Variants in TMEM132D observed in about 807,000 individuals in gnomAD.
The protein encoded by TMEM132D is transmembrane protein 132D.
TMEM132D carries 21 observed loss-of-function variants against 62.3 expected under a neutral mutation model. That is an observed-to-expected ratio of 0.34 (90% CI 0.24 to 0.49). The LOEUF (loss-of-function observed/expected upper bound fraction) is 0.49. Among genes scored for constraint, TMEM132D ranks in the 20% least tolerant of loss-of-function variants. TMEM132D has a pLI of 0.99. For missense variants in TMEM132D, 1,346 were observed against 1,402.8 expected (o/e 0.96, Z 0.65); for synonymous variants, 621 against 575.6 (o/e 1.08, Z -1.13).
At chr12:129,466,909 G>A (rs553463994) in intron 3 of TMEM132D, among the ~76,000 whole-genome samples, 2 of 152,258 alleles carry the variant, frequency 1.3e-5, no homozygotes, top group South Asian at 2.1e-4. Flanking sequence ...CATGAACAGA[G>A]TAAGTTCTCC....
chr12:129,169,579 C>A (rs1449536174), intron 5 of TMEM132D, among the ~76,000 whole-genome samples: 1 of 152,212 alleles, frequency 6.6e-6, no homozygotes, highest in African/African-American at 2.4e-5. Context: ...TATCTGATTG[C>A]ATCTTAAATG....
intron 2 of TMEM132D, among the ~76,000 whole-genome samples, chr12:129,580,215 T>G (rs1018254794): frequency 6.6e-6 from 1 of 152,190 alleles, no homozygotes; most frequent in Non-Finnish European, 1.5e-5. Flanking sequence ...ACACCTTTTC[T>G]TCAAGGTGAA....
At chr12:129,276,266 G>A (rs1157029149) in intron 4 of TMEM132D, among the ~76,000 whole-genome samples, 2 of 152,184 alleles carry the variant, frequency 1.3e-5, no homozygotes, top group African/African-American at 4.8e-5. Context: ...TAAAACGCTT[G>A]CCACCTAAGG....
intron 1 of TMEM132D, among the ~76,000 whole-genome samples, chr12:129,842,874 G>T (rs1475797719): frequency 2.0e-5 from 3 of 152,110 alleles, no homozygotes; most frequent in Non-Finnish European, 2.9e-5. Context: ...GTTTGCTTTT[G>T]TTGTGTTCAA....
rs531220714 is a variant in TMEM132D, at chr12:129,244,278, C to T, written c.1300-34615G>A. 7.9e-4 allele frequency among the ~76,000 whole-genome samples: 119 copies of T among 150,038 alleles called. No homozygotes were observed. In the South Asian group the frequency reaches 0.019, roughly 24 times the overall value. ...GCGGGCGCCTGTAGTCCCAGCTACT[C>T]GGGAGGCTGAGGCAGGAGAATGGCG... On this transcript the variant is annotated intron_variant, in intron 4 of 8. Coordinates refer to ENST00000422113, the MANE Select transcript of TMEM132D (RefSeq NM_133448.3).
chr12:129,548,761 A>C (rs1876809712), intron 2 of TMEM132D, among the ~76,000 whole-genome samples: 1 of 152,186 alleles, frequency 6.6e-6, no homozygotes, highest in South Asian at 2.1e-4. Flanking sequence ...ACCCAGGTGA[A>C]TGGATGTGTT....
chr12:129,486,086 G>A (rs1874570155), intron 3 of TMEM132D, among the ~76,000 whole-genome samples: 1 of 152,146 alleles, frequency 6.6e-6, no homozygotes. Flanking sequence ...AAATGTAGAG[G>A]AACCAAGCTC....
At chr12:129,225,203 A>G (rs1338489200) in intron 4 of TMEM132D, among the ~76,000 whole-genome samples, 1 of 152,200 alleles carries the variant, frequency 6.6e-6, no homozygotes, top group African/African-American at 2.4e-5. Flanking sequence ...CATACATGAA[A>G]GGTGGTTATT....
intron 1 of TMEM132D, among the ~76,000 whole-genome samples, chr12:129,712,511 C>G (rs765149057): frequency 6.6e-6 from 1 of 152,224 alleles, no homozygotes; most frequent in East Asian, 1.9e-4. Context: ...GGAGTGGCCA[C>G]CTCCATCACT....
chr12:129,522,504 G>A (rs1339195782), intron 3 of TMEM132D: 2 of 152,032 alleles, frequency 1.3e-5, no homozygotes, highest in Non-Finnish European at 2.9e-5. Flanking sequence ...CACACCAGGG[G>A]AAACTGGAGG....
chr12:129,534,614 T>C (rs954352840), intron 2 of TMEM132D, among the ~76,000 whole-genome samples: 4 of 152,184 alleles, frequency 2.6e-5, no homozygotes, highest in Non-Finnish European at 4.4e-5. Flanking sequence ...ATCTTCATTT[T>C]GCTTATATGA....
At chr12:129,629,354 C>T (rs750316654) in intron 2 of TMEM132D, among the ~76,000 whole-genome samples, 23 of 152,230 alleles carry the variant, frequency 1.5e-4, no homozygotes, top group Non-Finnish European at 3.1e-4. Context: ...TTTTTATTCA[C>T]CATCTCTGTT....
At chr12:129,885,239 T>C (rs1377715721) in intron 1 of TMEM132D, among the ~76,000 whole-genome samples, 1 of 152,190 alleles carries the variant, frequency 6.6e-6, no homozygotes, top group Non-Finnish European at 1.5e-5. Context: ...CACAGAACTG[T>C]TCAATAGTAG....
Position 129,159,774 on chromosome 12 carries a change from A to G in TMEM132D, c.1443+49746T>C, listed in dbSNP as rs920170583. Reference sequence around the variant, plus strand: ...ACTCGGGCTCAAAAAAAAAAAAAAAAAAAGAAAGAAAATTGATAAGACAAG... The same window carrying G: ...ACTCGGGCTCAAAAAAAAAAAAAAAGAAAGAAAGAAAATTGATAAGACAAG... On this transcript the variant is annotated intron_variant, in intron 5 of 8. Coordinates refer to ENST00000422113, the MANE Select transcript of TMEM132D (RefSeq NM_133448.3). Among the ~76,000 whole-genome samples the G allele has an allele frequency of 5.5e-5, 8 of 144,688 alleles. No individual in the cohort carries two copies. In the South Asian group the frequency reaches 6.7e-4, roughly 12 times the overall value. The allele number at this position is 144,688 out of a possible 152,430, so 94.9% of individuals were successfully genotyped here.
intron 3 of TMEM132D, among the ~76,000 whole-genome samples, chr12:129,388,253 C>A (rs1185443265): frequency 1.6e-5 from 2 of 128,812 alleles, no homozygotes; most frequent in Admixed American, 7.8e-5. Flanking sequence ...ACACTAACAC[C>A]GACACCAATA....
intron 4 of TMEM132D, among the ~76,000 whole-genome samples, chr12:129,335,709 C>G (rs1022690611): frequency 4.1e-5 from 6 of 147,898 alleles, no homozygotes; most frequent in African/African-American, 1.5e-4. Context: ...AGATGCTGTT[C>G]ATTGCCTTAG....
chr12:129,873,370 C>T (rs866910334), intron 1 of TMEM132D, among the ~76,000 whole-genome samples: 1 of 152,072 alleles, frequency 6.6e-6, no homozygotes, highest in African/African-American at 2.4e-5. Context: ...CACACCATTT[C>T]GCTGATTTGC....
intron 1 of TMEM132D, among the ~76,000 whole-genome samples, chr12:129,790,737 G>A (rs766090109): frequency 6.6e-6 from 1 of 152,116 alleles, no homozygotes; most frequent in Non-Finnish European, 1.5e-5. Flanking sequence ...CTTGAGGGTC[G>A]GGCCCTCACC....
chr12:129,809,420 G>C (rs543582458), intron 1 of TMEM132D, among the ~76,000 whole-genome samples: 7 of 152,032 alleles, frequency 4.6e-5, no homozygotes, highest in Non-Finnish European at 7.4e-5. Context: ...GAAGGAACAC[G>C]GGAGCCGGGA....
Sources: allele counts gnomAD v4.1 joint callset (sites outside exome capture counted in the v4.1 genomes callset), GRCh38; gene constraint gnomAD v4.1.1; transcripts MANE v1.5; gene names NCBI Gene and HGNC (gene_info 2026-07-23, HGNC 2026-07-21).